The following CCNL1 variants were observed in gnomAD, a reference collection of about 807,000 sequenced individuals.
CCNL1 encodes cyclin-L1.
In CCNL1, 13 loss-of-function variants were observed where a neutral mutation model predicts 60.6. The ratio of observed to expected loss-of-function variants is 0.21; its 90% CI spans 0.14 to 0.34. The LOEUF (loss-of-function observed/expected upper bound fraction) is 0.34. Among genes scored for constraint, CCNL1 ranks in the 10% least tolerant of loss-of-function variants. The pLI, the probability that CCNL1 is intolerant of heterozygous loss-of-function variation, is 1.00. For missense variants in CCNL1, 481 were observed against 664.3 expected (o/e 0.72, Z 3.03); for synonymous variants, 270 against 244.3 (o/e 1.10, Z -0.98).
At chr3:157,149,113 T>TTA (rs1389319615) in intron 10 of CCNL1, 174 bp downstream of exon 10, 3 of 602,390 alleles carry the variant, frequency 5.0e-6, no homozygotes, top group Non-Finnish European at 8.8e-6. Flanking sequence ...CAGAATGCCA[T>TTA]TAAGATACTG....
At chr3:157,153,481 T>C (rs1738355099) in intron 3 of CCNL1, 2 of 186,912 alleles carry the variant, frequency 1.1e-5, no homozygotes, top group Non-Finnish European at 2.2e-5. Context: ...AACGATAGCA[T>C]GATTTGTCAT....
chr3:157,147,144 G>A (rs975817236), downstream of CCNL1, among the ~76,000 whole-genome samples: 4 of 152,154 alleles, frequency 2.6e-5, no homozygotes, highest in Non-Finnish European at 4.4e-5. Flanking sequence ...ATCACTTGGA[G>A]CCAAGTCTAG....
intron 3 of CCNL1, among the ~76,000 whole-genome samples, chr3:157,155,574 T>C (rs1738550454): frequency 6.6e-6 from 1 of 152,230 alleles, no homozygotes; most frequent in Non-Finnish European, 1.5e-5. Context: ...TAAAACCAGA[T>C]ACCTTTATTT....
rs763772576 is a variant in CCNL1, at chr3:157,152,998, A to C, written c.609+38T>G. 1.0e-5 allele frequency: 16 copies of C among 1,605,894 alleles called. No individual in the cohort carries two copies. The African/African-American group carries it at 2.2e-4, about 22-fold the overall frequency. On this transcript the variant is annotated intron_variant, in intron 4 of 10. Transcript: ENST00000295926. Reference sequence around the variant, plus strand: ...AAAATAAAATTTTTAGAAAAGTCCTAATACTTACGAACCCAATTTCTGTAC... The same window carrying C: ...AAAATAAAATTTTTAGAAAAGTCCTCATACTTACGAACCCAATTTCTGTAC...
downstream of CCNL1, among the ~76,000 whole-genome samples, chr3:157,145,353 G>A (rs1327431542): frequency 6.8e-6 from 1 of 146,538 alleles, no homozygotes; most frequent in Non-Finnish European, 1.5e-5. Flanking sequence ...CAGGAGAATG[G>A]CATGAACCTG....
intron 3 of CCNL1, 97 bp from the exon 4 acceptor site, chr3:157,153,253 C>G: frequency 8.0e-7 from 1 of 1,252,656 alleles, no homozygotes; most frequent in Non-Finnish European, 1.1e-6. Context: ...CTATTGGCAA[C>G]AGAAACCAGC....
intron 5 of CCNL1, chr3:157,151,695 A>C: frequency 1.0e-6 from 1 of 1,000,432 alleles, no homozygotes; most frequent in Non-Finnish European, 1.2e-6. Flanking sequence ...AGTTACAAGT[A>C]TACATTAAAT....
In CCNL1 at chr3:157,149,475, G is replaced by C. The variant is rs766112049; in HGVS notation, c.1133+10C>G. ...TCCTCAAGCCAGTTTTCCAGCCCAAGTATACTCACCCATTGTAAGGGCTTT... is the reference window on the plus strand; with the variant it reads ...TCCTCAAGCCAGTTTTCCAGCCCAACTATACTCACCCATTGTAAGGGCTTT... On this transcript the variant is annotated intron_variant, in intron 9 of 10. Coordinates refer to ENST00000295926, the MANE Select transcript of CCNL1 (RefSeq NM_020307.4). 6.2e-6 allele frequency: 10 copies of C among 1,612,088 alleles called. No homozygotes were observed. In the East Asian group the frequency reaches 2.0e-4, roughly 32 times the overall value.
intron 2 of CCNL1, 100 bp downstream of exon 2, chr3:157,159,305 T>C: frequency 1.8e-6 from 2 of 1,124,790 alleles, no homozygotes; most frequent in Non-Finnish European, 1.3e-6. Context: ...AGGCCTAAAC[T>C]AAACCACTCC....
chr3:157,156,732 G>C (rs1408333771), intron 3 of CCNL1, among the ~76,000 whole-genome samples: 2 of 152,158 alleles, frequency 1.3e-5, no homozygotes, highest in Non-Finnish European at 2.9e-5. Context: ...TTAAAGTTAT[G>C]AATAAACTAG....
intron 1 of CCNL1, 96 bp downstream of exon 1, chr3:157,159,696 T>G (rs1738927101): frequency 8.2e-7 from 1 of 1,223,604 alleles, no homozygotes; most frequent in Non-Finnish European, 1.1e-6. Flanking sequence ...GAAGGAACCG[T>G]CCCCACCCTC....
intron 10 of CCNL1, 177 bp downstream of exon 10, chr3:157,149,110 C>A (rs187145488): frequency 5.0e-6 from 3 of 596,134 alleles, no homozygotes; most frequent in Non-Finnish European, 8.9e-6. Flanking sequence ...TAACAGAATG[C>A]CATTAAGATA....
At chr3:157,151,609 G>C in intron 5 of CCNL1, 1 of 987,472 alleles carries the variant, frequency 1.0e-6, no homozygotes, top group African/African-American at 1.7e-5. Flanking sequence ...TAAAAATTTA[G>C]TCAAACTCCT....
chr3:157,157,153 A>T, intron 3 of CCNL1: 1 of 1,240,688 alleles, frequency 8.1e-7, no homozygotes, highest in South Asian at 1.3e-5. Flanking sequence ...GCTTGAGTAA[A>T]CTTGTAATAT....
downstream of CCNL1, among the ~76,000 whole-genome samples, chr3:157,143,465 T>C (rs771926363): frequency 2.6e-5 from 4 of 152,198 alleles, no homozygotes; most frequent in Non-Finnish European, 4.4e-5. Flanking sequence ...GTTAAATTCA[T>C]TCATTCCTCA....
At position 157,148,608 on chromosome 3, in the gene CCNL1, G is replaced by C; in HGVS notation, c.1233-19C>G. ...ATTATAGCTTAGATAATAAAAATTT[G>C]AAGTTTAGGTTCAGTTTCTATGGGG... On this transcript the variant is annotated intron_variant, in intron 10 of 10. Coordinates refer to ENST00000295926, the MANE Select transcript of CCNL1 (RefSeq NM_020307.4). 1 of 1,563,380 alleles carries C rather than the reference G, an allele frequency of 6.4e-7. No homozygotes were observed. The highest frequency in any genetic ancestry group is 8.6e-7 in the Non-Finnish European group (1 of 1,158,228).
downstream of CCNL1, among the ~76,000 whole-genome samples, chr3:157,145,896 C>A (rs189158924): frequency 2.7e-4 from 41 of 152,264 alleles, no homozygotes; most frequent in African/African-American, 9.9e-4. Flanking sequence ...TATGGAGAGG[C>A]CTGTGGTTAA....
chr3:157,158,844 T>C lies in CCNL1; in HGVS notation c.488+22A>G, dbSNP rs556994242. 3.0e-5 allele frequency: 43 copies of C among 1,428,626 alleles called. 1 individual carries two copies. In the South Asian group the frequency reaches 3.3e-4, roughly 11 times the overall value. 88.5% of individuals were successfully genotyped at this position (1,428,626 alleles called of 1,614,324 possible). A position where few individuals can be genotyped will look rare whatever the true frequency, so the allele number is the denominator to read the frequency against. On this transcript the variant is annotated intron_variant, in intron 3 of 10. Transcript: ENST00000295926. ...GGTACAGCAGTAGCAAGAGATACTA[T>C]GTTCAATAATGCCAATCTTACCTTT... is the stretch of plus-strand genomic sequence containing the variant.
chr3:157,153,352 C>T, intron 3 of CCNL1, 196 bp from the exon 4 acceptor site: 1 of 467,894 alleles, frequency 2.1e-6, no homozygotes, highest in Non-Finnish European at 3.8e-6. Context: ...AGACTAAGTT[C>T]CTAAAGGAAC....
Sources: allele counts gnomAD v4.1 joint callset (sites outside exome capture counted in the v4.1 genomes callset), GRCh38; gene constraint gnomAD v4.1.1; transcripts MANE v1.5; gene names NCBI Gene and HGNC (gene_info 2026-07-23, HGNC 2026-07-21).